Variants in NBAS observed in about 807,000 individuals in gnomAD.
NBAS encodes NBAS subunit of NRZ tethering complex, also known as NAG/BC035112 fusion.
A neutral mutation model predicts 302.5 loss-of-function variants in NBAS; 219 were observed. The observed-to-expected ratio is 0.72, with a 90% confidence interval of 0.65 to 0.81. The LOEUF is 0.81. NBAS is among the 30% of genes least tolerant of loss of function. The probability of loss-of-function intolerance (pLI) is 0.00; values close to 1 mark genes in which losing one functional copy is unlikely to be tolerated. For missense variants in NBAS, 2,932 were observed against 2,841.6 expected, an observed-to-expected ratio of 1.03 and a Z score of -0.72; for synonymous variants, 1,118 against 1,021.6, an observed-to-expected ratio of 1.09 and a Z score of -1.80.
At chr2:15,351,305 A>C (rs921349251) in intron 35 of NBAS, among the ~76,000 whole-genome samples, 2 of 152,202 alleles carry the variant, frequency 1.3e-5, no homozygotes, top group Non-Finnish European at 2.9e-5. Context: ...TAAAACAAAA[A>C]CAAAAGTCAC....
At chr2:15,358,521 T>G (rs1673737673) in intron 32 of NBAS, among the ~76,000 whole-genome samples, 1 of 152,184 alleles carries the variant, frequency 6.6e-6, no homozygotes, top group Non-Finnish European at 1.5e-5. Context: ...CACTGCTCAC[T>G]GCAACCTCGA....
intron 48 of NBAS, among the ~76,000 whole-genome samples, chr2:15,193,868 C>A (rs113405978): frequency 0.013 from 1,981 of 152,092 alleles, 46 homozygotes; most frequent in Admixed American, 0.06. Flanking sequence ...CTGCAAAGCA[C>A]AACTATAAAC....
At chr2:15,105,609 A>G in the NBAS span, among the ~76,000 whole-genome samples, 2 of 152,120 alleles carry the variant, frequency 1.3e-5, no homozygotes, top group Non-Finnish European at 2.9e-5. Context: ...TTCAGGACCA[A>G]CGACAGAGCT....
At chr2:15,117,880 A>C in the NBAS span, among the ~76,000 whole-genome samples, 1 of 152,098 alleles carries the variant, frequency 6.6e-6, no homozygotes, top group South Asian at 2.1e-4. Context: ...ACTCCTCTCA[A>C]AAAGACAGAA....
chr2:15,091,275 C>T, the NBAS span, among the ~76,000 whole-genome samples: 3 of 40,832 alleles, frequency 7.3e-5, no homozygotes, highest in Non-Finnish European at 1.8e-4. Flanking sequence ...AATTCAATGA[C>T]CTCCTCCCAC....
At chr2:15,175,055 C>A (rs2125109108) in intron 51 of NBAS, among the ~76,000 whole-genome samples, 1 of 152,244 alleles carries the variant, frequency 6.6e-6, no homozygotes, top group Non-Finnish European at 1.5e-5. Context: ...GCAGCTCCAC[C>A]TCCCGGGTCC....
chr2:14,843,757 G>T, the NBAS span, among the ~76,000 whole-genome samples: 1 of 152,152 alleles, frequency 6.6e-6, no homozygotes, highest in Admixed American at 6.5e-5. Flanking sequence ...CTGCACTTAA[G>T]AGAGGGAGAG....
At chr2:15,202,968 C>T (rs1156634669) in intron 48 of NBAS, among the ~76,000 whole-genome samples, 1 of 152,174 alleles carries the variant, frequency 6.6e-6, no homozygotes, top group Non-Finnish European at 1.5e-5. Flanking sequence ...CATTCAGACT[C>T]AGATTTGAAT....
chr2:14,796,494 C>G, the NBAS span, among the ~76,000 whole-genome samples: 5 of 152,114 alleles, frequency 3.3e-5, no homozygotes, highest in Non-Finnish European at 7.4e-5. Context: ...TTTATGTGTT[C>G]TTTAATTTCT....
intron 25 of NBAS, among the ~76,000 whole-genome samples, chr2:15,413,290 A>G (rs1010159452): frequency 1.3e-5 from 2 of 152,206 alleles, no homozygotes; most frequent in Non-Finnish European, 2.9e-5. Flanking sequence ...AAATTTGCTG[A>G]CATTTGCTCT....
chr2:15,084,695 G>A, the NBAS span, among the ~76,000 whole-genome samples: 1 of 148,714 alleles, frequency 6.7e-6, no homozygotes, highest in African/African-American at 2.6e-5. Flanking sequence ...GGCGGGGGGG[G>A]TTCCTTATGG....
At chr2:15,415,240 G>GGT (rs1241439677) in intron 25 of NBAS, among the ~76,000 whole-genome samples, 1 of 152,164 alleles carries the variant, frequency 6.6e-6, no homozygotes, top group African/African-American at 2.4e-5. Flanking sequence ...ATTAAATGAG[G>GGT]TAACACTGGG....
the NBAS span, among the ~76,000 whole-genome samples, chr2:15,037,434 G>GT: frequency 4.6e-5 from 7 of 151,622 alleles, no homozygotes; most frequent in Non-Finnish European, 8.8e-5. Flanking sequence ...GCAAGGCGGG[G>GT]TACTACAACT....
chr2:15,069,317 C>T, the NBAS span, among the ~76,000 whole-genome samples: 107 of 152,290 alleles, frequency 7.0e-4, no homozygotes, highest in Middle Eastern at 0.01. Flanking sequence ...CTCCTGATGA[C>T]GAGCCCAGCA....
At chr2:15,096,414 C>T in the NBAS span, among the ~76,000 whole-genome samples, 1 of 152,238 alleles carries the variant, frequency 6.6e-6, no homozygotes, top group Non-Finnish European at 1.5e-5. Flanking sequence ...CTGACCCTCA[C>T]TGAAGCCATT....
At chr2:15,307,114 C>A (rs1487820989) in intron 40 of NBAS, among the ~76,000 whole-genome samples, 1 of 152,136 alleles carries the variant, frequency 6.6e-6, no homozygotes, top group Non-Finnish European at 1.5e-5. Flanking sequence ...CTAAAGGGGA[C>A]AGTCCCATGA....
the NBAS span, among the ~76,000 whole-genome samples, chr2:14,854,097 AAAG>A: frequency 1.3e-5 from 2 of 151,326 alleles, no homozygotes; most frequent in African/African-American, 4.8e-5. Flanking sequence ...ATAATAAAAA[AAAG>A]AAGAAAATTG....
Position 15,383,307 on chromosome 2 carries a change from C to T in NBAS, c.3268G>A (p.Val1090Ile). The T allele has an allele frequency of 6.2e-7, 1 of 1,613,772 alleles. No individual in the cohort carries two copies. ...TRHTGRKQPP[V>I]SESHWRTLLQ... ...AACGTTCTCCAATGAGACTCACTGACAGGAGGCTGCCTGGAAAAACACATA... is the reference window on the plus strand; with the variant it reads ...AACGTTCTCCAATGAGACTCACTGATAGGAGGCTGCCTGGAAAAACACATA... The change falls in exon 29 of 52, where the codon GTC becomes ATC. Residue 1090 changes from valine (V) to isoleucine (I), a missense_variant. Val to Ile is a conservative substitution (Grantham distance 29, BLOSUM62 3). Coordinates refer to ENST00000281513, the MANE Select transcript of NBAS (RefSeq NM_015909.4).
chr2:15,349,683 G>C (rs529937854), intron 35 of NBAS, among the ~76,000 whole-genome samples: 4 of 152,176 alleles, frequency 2.6e-5, no homozygotes, highest in African/African-American at 9.7e-5. Flanking sequence ...GTTGGATGCA[G>C]TGGTTCACGC....
Sources: gnomAD v4.1 joint callset for allele counts (sites outside exome capture counted in the v4.1 genomes callset) on GRCh38, gnomAD v4.1.1 for gene constraint, MANE v1.5 for transcripts, NCBI Gene and HGNC (gene_info 2026-07-23, HGNC 2026-07-21) for gene names.